Variants in SHC4 observed in about 807,000 individuals in gnomAD.
SHC4 encodes the protein SHC adaptor protein 4.
In SHC4, 41 loss-of-function variants were observed where a neutral mutation model predicts 69.4. The ratio of observed to expected loss-of-function variants is 0.59; its 90% confidence interval spans 0.46 to 0.77. The LOEUF (loss-of-function observed/expected upper bound fraction) is 0.77. SHC4 is among the 30% of genes least tolerant of loss of function. The pLI is 0.00. For synonymous variants in SHC4, 318 were observed against 299.3 expected, an observed-to-expected ratio of 1.06 and a Z score of -0.64; for missense variants, 777 against 783.8, an observed-to-expected ratio of 0.99 and a Z score of 0.10.
chr15:48,915,342 A>AT (rs898084511), intron 2 of SHC4, among the ~76,000 whole-genome samples: 4 of 151,882 alleles, frequency 2.6e-5, no homozygotes, highest in South Asian at 2.1e-4. Context: ...ATTGATTGGA[A>AT]TTTTTTTTTA....
chr15:48,857,849 T>C, intron 6 of SHC4, 34 bp from the exon 7 acceptor site: 1 of 1,450,384 alleles, frequency 6.9e-7, no homozygotes, highest in South Asian at 1.6e-5. Context: ...AATATTATAA[T>C]AAATTTTTAG....
intron 9 of SHC4, among the ~76,000 whole-genome samples, chr15:48,847,534 G>A (rs1454105295): frequency 6.6e-6 from 1 of 152,138 alleles, no homozygotes; most frequent in Non-Finnish European, 1.5e-5. Flanking sequence ...CAAGTTTGAA[G>A]TCAATATTTG....
At chr15:48,954,254 C>T (rs1339201741) in intron 1 of SHC4, among the ~76,000 whole-genome samples, 37 of 152,178 alleles carry the variant, frequency 2.4e-4, no homozygotes, top group Admixed American at 2.4e-3. Context: ...AAAATGTCTC[C>T]AGACATTACC....
Position 48,825,073 on chromosome 15 carries a change from T to A in SHC4, c.*898A>T, listed in dbSNP as rs181997086. On this transcript the variant is annotated 3_prime_UTR_variant, in exon 12 of 12. Coordinates refer to ENST00000332408, the MANE Select transcript of SHC4 (RefSeq NM_203349.4). ...ATAGATTCTGTACTTTTACTAAGAATGAAACCAATTTGAATAGTAAATATG... is the reference window on the plus strand; with the variant it reads ...ATAGATTCTGTACTTTTACTAAGAAAGAAACCAATTTGAATAGTAAATATG... The A allele has an allele frequency of 6.5e-6, 1 of 152,750 alleles. No individual in the cohort carries two copies. The highest frequency in any genetic ancestry group is 6.5e-5 in the Admixed American group (1 of 15,300). The allele number at this position is 152,750 out of a possible 1,614,324, so 9.5% of individuals were successfully genotyped here.
chr15:48,850,574 C>T (rs1004593185), intron 9 of SHC4, among the ~76,000 whole-genome samples: 1 of 152,128 alleles, frequency 6.6e-6, no homozygotes, highest in East Asian at 1.9e-4. Context: ...ATATGCTCAA[C>T]AACTAATGGG....
intron 4 of SHC4, among the ~76,000 whole-genome samples, chr15:48,882,958 G>C (rs1261639510): frequency 6.6e-6 from 1 of 152,084 alleles, no homozygotes. Flanking sequence ...GATCAGTCAG[G>C]ACCCAACTAG....
In SHC4 at chr15:48,919,295, A is replaced by ATTTTTT. The variant is rs386382928; in HGVS notation, c.656+5578_656+5583dup. Among the ~76,000 whole-genome samples, 159 of 71,236 alleles carry ATTTTTT rather than the reference A, an allele frequency of 2.2e-3. 20 individuals carry two copies. The highest frequency in any genetic ancestry group is 0.022 in the East Asian group (64 of 2,960). 46.7% of individuals were successfully genotyped at this position (71,236 alleles called of 152,430 possible). A position where few individuals can be genotyped will look rare whatever the true frequency, so the allele number is the denominator to read the frequency against. On this transcript the variant is annotated intron_variant, in intron 2 of 11. Transcript: ENST00000332408. ...CTCACACTCTTAAAAATTTATTTTAATTTTTTTTTTTTTTTTTTTTGTAGA... is the reference window on the plus strand; with the variant it reads ...CTCACACTCTTAAAAATTTATTTTAATTTTTTTTTTTTTTTTTTTTTTTTTTGTAGA...
At chr15:48,865,653 C>T (rs1396642082) in intron 6 of SHC4, among the ~76,000 whole-genome samples, 2 of 152,178 alleles carry the variant, frequency 1.3e-5, no homozygotes, top group Non-Finnish European at 1.5e-5. Flanking sequence ...CTGACTCCAG[C>T]ATCAATCTTA....
Position 48,843,566 on chromosome 15 carries a change from C to T in SHC4, c.1326G>A (p.Val442=). The stretch of plus-strand genomic sequence containing the variant: ...ATAATGAGGTATCTCGCTGGGACTG[C>T]ACCCCTCTTGGATGGACATTACCTG... ...RAIGNVHPRG[V]QSQRDTSLLK... Residue 442 remains valine, a synonymous_variant, in exon 10 of 12, where the codon GTG becomes GTA. Coordinates refer to ENST00000332408, the MANE Select transcript of SHC4 (RefSeq NM_203349.4). 9 of 1,614,070 alleles carry T rather than the reference C, an allele frequency of 5.6e-6. No individual in the cohort carries two copies. Among genetic ancestry groups the T allele is most frequent in the Non-Finnish European group, 7.6e-6 (9 of 1,179,936 alleles).
At chr15:48,903,564 C>A (rs1171814096) in intron 2 of SHC4, among the ~76,000 whole-genome samples, 2 of 152,134 alleles carry the variant, frequency 1.3e-5, no homozygotes, top group East Asian at 1.9e-4. Flanking sequence ...AAATAAGGAG[C>A]CTCCATGTAA....
In SHC4 at chr15:48,846,196, G is replaced by T. The variant is rs563139775; in HGVS notation, c.1304-2608C>A. On this transcript the variant is annotated intron_variant, in intron 9 of 11. Transcript: ENST00000332408. ...AGCTTTTAAATTCATATGGACCTGA[G>T]TTCAAATCCCTGGGGTATCTCTTAC... 2.6e-4 allele frequency among the ~76,000 whole-genome samples: 39 copies of T among 152,216 alleles called. No homozygotes were observed. The South Asian group carries it at 8.1e-3, about 32-fold the overall frequency.
intron 1 of SHC4, among the ~76,000 whole-genome samples, chr15:48,930,492 G>T (rs1161775190): frequency 6.6e-6 from 1 of 152,250 alleles, no homozygotes. Flanking sequence ...TATAATAAGA[G>T]TGCTAAGACA....
At chr15:48,834,695 G>A in intron 11 of SHC4, 74 bp downstream of exon 11, 1 of 1,570,822 alleles carries the variant, frequency 6.4e-7, no homozygotes, top group Non-Finnish European at 8.6e-7. Context: ...TTCAATACCA[G>A]GTTTTGGAAA....
intron 11 of SHC4, among the ~76,000 whole-genome samples, chr15:48,827,235 T>C (rs1898706397): frequency 6.6e-6 from 1 of 152,188 alleles, no homozygotes; most frequent in African/African-American, 2.4e-5. Context: ...CGTATTAAAA[T>C]CATGCATAAT....
intron 1 of SHC4, among the ~76,000 whole-genome samples, chr15:48,925,824 C>A (rs779522696): frequency 6.6e-6 from 1 of 152,078 alleles, no homozygotes; most frequent in Admixed American, 6.6e-5. Flanking sequence ...AGGGAAGTAA[C>A]GACAGCCCAC....
intron 2 of SHC4, among the ~76,000 whole-genome samples, chr15:48,903,479 T>C (rs1266992658): frequency 6.6e-6 from 1 of 152,204 alleles, no homozygotes; most frequent in Non-Finnish European, 1.5e-5. Context: ...CCCATTTTCC[T>C]TTCTTAAAAG....
chr15:48,843,446 C>T lies in SHC4; in HGVS notation c.1446G>A (p.Arg482=). ...ATGGGCTCCCCAGTGGTTGGGCTGA[C>T]CTTTGATTTCCAGCAGAGCCAGGTG... ...QSTPGSAGNQ[R]SAQPLGSPWH... The change falls in exon 10 of 12, where the codon AGG becomes AGA. Residue 482 remains arginine (R), a synonymous_variant. Transcript: ENST00000332408. The T allele has an allele frequency of 6.2e-7, 1 of 1,613,958 alleles. No homozygotes were observed. Among genetic ancestry groups the T allele is most frequent in the Non-Finnish European group, 8.5e-7 (1 of 1,179,866 alleles).
chr15:48,904,391 A>G (rs183753602), intron 2 of SHC4, among the ~76,000 whole-genome samples: 12 of 152,336 alleles, frequency 7.9e-5, no homozygotes, highest in African/African-American at 2.9e-4. Flanking sequence ...CTATAAATTA[A>G]TAATAAACTG....
At chr15:48,956,633 G>C (rs1407893758) in intron 1 of SHC4, among the ~76,000 whole-genome samples, 1 of 151,990 alleles carries the variant, frequency 6.6e-6, no homozygotes, top group African/African-American at 2.4e-5. Flanking sequence ...TCTACTCTTG[G>C]ATGCTGTTCT....
Sources: gnomAD v4.1 joint callset for allele counts (sites outside exome capture counted in the v4.1 genomes callset) on GRCh38, gnomAD v4.1.1 for gene constraint, MANE v1.5 for transcripts, NCBI Gene and HGNC (gene_info 2026-07-23, HGNC 2026-07-21) for gene names.